SPATA3: variants seen among roughly 807,000 people sequenced by gnomAD.
SPATA3 encodes the protein spermatogenesis associated 3.
In SPATA3, 6 loss-of-function variants were observed where a neutral mutation model predicts 5.7. The observed-to-expected ratio is 1.06, with a 90% CI of 0.58 to 2.09. The LOEUF (loss-of-function observed/expected upper bound fraction) is 2.09, where lower values mean the gene tolerates loss of function less well. SPATA3 is among the 30% of genes most tolerant of loss of function. The pLI is 0.00. For missense variants in SPATA3, 155 were observed against 130.4 expected (o/e 1.19, Z -0.92); for synonymous variants, 44 against 48.4 (o/e 0.91, Z 0.37).
chr2:231,010,913 TA>T (rs58404200), downstream of SPATA3, among the ~76,000 whole-genome samples: 284 of 131,854 alleles, frequency 2.2e-3, 1 homozygote, highest in Middle Eastern at 3.7e-3. Flanking sequence ...TGTATTTTTC[TA>T]AAAAAAAAAA....
downstream of SPATA3, among the ~76,000 whole-genome samples, chr2:231,006,203 A>G (rs1468319624): frequency 0.014 from 8 of 582 alleles, no homozygotes; most frequent in Admixed American, 0.12. Flanking sequence ...TGTCTCAAGA[A>G]AAAAAAAAAA....
chr2:231,016,521 AAAAGAAG>A (rs1489563099), intron 6 of SPATA3, among the ~76,000 whole-genome samples: 1 of 151,150 alleles, frequency 6.6e-6, no homozygotes, highest in African/African-American at 2.4e-5. Flanking sequence ...AAAAAAAAAA[AAAAGAAG>A]AAGAAGGTTA....
chr2:230,996,421 C>G (rs1055356985), intron 1 of SPATA3: 1 of 1,552,206 alleles, frequency 6.4e-7, no homozygotes, highest in Non-Finnish European at 8.7e-7. Context: ...CTTGAAACCA[C>G]CTCCCGGCAG....
downstream of SPATA3, among the ~76,000 whole-genome samples, chr2:231,006,364 G>A (rs1430217904): frequency 2.6e-5 from 4 of 151,746 alleles, no homozygotes; most frequent in African/African-American, 7.2e-5. Context: ...ATAGCCGGGC[G>A]TGGTGGCGGG....
intron 2 of SPATA3, 80 bp downstream of exon 2, chr2:231,000,617 A>G (rs1480102719): frequency 1.0e-5 from 13 of 1,271,726 alleles, no homozygotes; most frequent in Non-Finnish European, 1.3e-5. Flanking sequence ...ATTAGCAATC[A>G]TGTATCACTT....
chr2:231,002,821 C>G (rs1374385438), downstream of SPATA3: 1 of 1,369,092 alleles, frequency 7.3e-7, no homozygotes. Flanking sequence ...GGCCCACAGT[C>G]TGGCAGGTAT....
intron 1 of SPATA3, chr2:230,996,466 G>A (rs955456004): frequency 2.3e-5 from 35 of 1,552,102 alleles, no homozygotes; most frequent in East Asian, 9.8e-5. Flanking sequence ...CCCGAAATCC[G>A]CCGCTCCTCT....
intron 6 of SPATA3, among the ~76,000 whole-genome samples, chr2:231,014,893 A>G (rs1056246478): frequency 2.6e-5 from 4 of 152,186 alleles, no homozygotes; most frequent in African/African-American, 9.6e-5. Context: ...TCGGGTGTTA[A>G]GGTGCCCTTC....
chr2:231,001,182 C>G (rs938628808), intron 2 of SPATA3, among the ~76,000 whole-genome samples: 1 of 152,156 alleles, frequency 6.6e-6, no homozygotes, highest in Non-Finnish European at 1.5e-5. Context: ...AAAAAGCCAC[C>G]AGGAGCAGTG....
rs1478742381 is a variant in SPATA3, at chr2:230,996,544, C to A, written c.791-3822C>A. The A allele has an allele frequency of 4.5e-6, 7 of 1,550,716 alleles. No individual in the cohort carries two copies. Among genetic ancestry groups the A allele is most frequent in the Non-Finnish European group, 6.1e-6 (7 of 1,146,402 alleles). Reference sequence around the variant, plus strand: ...CAATCCAGGAAAGCAGGTGGGCTGTCTTCTAGCTTCAGCAGTTCCAGCCTT... The same window carrying A: ...CAATCCAGGAAAGCAGGTGGGCTGTATTCTAGCTTCAGCAGTTCCAGCCTT... On this transcript the variant is annotated intron_variant, in intron 1 of 2. Transcript: ENST00000645363.
intron 5 of SPATA3, among the ~76,000 whole-genome samples, chr2:231,013,467 T>A (rs1168818059): frequency 4.6e-5 from 7 of 152,202 alleles, no homozygotes; most frequent in Non-Finnish European, 1.0e-4. Context: ...TAATGGACAT[T>A]CAGATTGGTT....
At chr2:230,998,095 C>T (rs1297628338) in intron 1 of SPATA3, among the ~76,000 whole-genome samples, 1 of 152,204 alleles carries the variant, frequency 6.6e-6, no homozygotes, top group Non-Finnish European at 1.5e-5. Context: ...GGAAGAACAT[C>T]TCTGTCCGAG....
At chr2:231,001,794 C>T (rs1208714942) in intron 2 of SPATA3, among the ~76,000 whole-genome samples, 1 of 152,122 alleles carries the variant, frequency 6.6e-6, no homozygotes, top group Non-Finnish European at 1.5e-5. Context: ...GAGCTAAGAC[C>T]CATGCATTTA....
chr2:231,014,183 C>T (rs1692868814), exon 6 of SPATA3: 1 of 152,148 alleles, frequency 6.6e-6, no homozygotes, highest in South Asian at 2.1e-4. Flanking sequence ...ACAAAGCATC[C>T]TTCATTTGAG....
chr2:231,006,760 T>G (rs540723145), downstream of SPATA3: 6 of 152,294 alleles, frequency 3.9e-5, no homozygotes, highest in South Asian at 2.1e-4. Flanking sequence ...TCTTTCCTTT[T>G]TGGGGAAAGA....
At chr2:231,018,726 C>T (rs1181850278) in intron 6 of SPATA3, among the ~76,000 whole-genome samples, 2 of 151,866 alleles carry the variant, frequency 1.3e-5, no homozygotes, top group Non-Finnish European at 2.9e-5. Context: ...TGCTCTGTCA[C>T]CCAGGCTGGA....
chr2:231,016,445 T>G (rs1241361688), intron 6 of SPATA3, among the ~76,000 whole-genome samples: 1 of 141,214 alleles, frequency 7.1e-6, no homozygotes, highest in African/African-American at 2.7e-5. Context: ...CCCAGCACTT[T>G]GGGAAGCCAA....
intron 1 of SPATA3, chr2:230,996,230 TACCATG>T (rs1165944801): frequency 6.5e-7 from 1 of 1,549,164 alleles, no homozygotes; most frequent in East Asian, 2.4e-5. Context: ...TGGGAGGATC[TACCATG>T]AAGAAGGTCA....
intron 6 of SPATA3, among the ~76,000 whole-genome samples, chr2:231,016,515 AAAAAAAAAAG>A (rs1343489359): frequency 6.6e-6 from 1 of 151,028 alleles, no homozygotes; most frequent in Admixed American, 6.6e-5. Context: ...ACAAAAAAAA[AAAAAAAAAAG>A]AAGAAGAAGG....
Sources: gnomAD v4.1 joint callset for allele counts (sites outside exome capture counted in the v4.1 genomes callset) on GRCh38, gnomAD v4.1.1 for gene constraint, MANE v1.5 for transcripts, NCBI Gene and HGNC (gene_info 2026-07-23, HGNC 2026-07-21) for gene names.